The following FRMD3 variants were observed in gnomAD, a reference collection of about 807,000 sequenced individuals.
The protein encoded by FRMD3 is FERM domain-containing protein 3.
Under a neutral mutation model 70.2 loss-of-function variants are expected in FRMD3, and 33 were observed. The ratio of observed to expected loss-of-function variants is 0.47; its 90% CI spans 0.36 to 0.63. FRMD3 has a LOEUF of 0.63. FRMD3 is among the 20% of genes least tolerant of loss of function. The pLI, the probability that FRMD3 is intolerant of heterozygous loss-of-function variation, is 0.00. For synonymous variants in FRMD3, 279 were observed against 255.9 expected (o/e 1.09, Z -0.86); for missense variants, 632 against 711.4 (o/e 0.89, Z 1.27).
chr9:83,406,775 G>C (rs1826117644), intron 1 of FRMD3, among the ~76,000 whole-genome samples: 1 of 152,228 alleles, frequency 6.6e-6, no homozygotes, highest in Non-Finnish European at 1.5e-5. Context: ...CCATAGAAGA[G>C]AGCAGAGAAA....
At chr9:83,576,561 C>T in the FRMD3 span, among the ~76,000 whole-genome samples, 7 of 152,010 alleles carry the variant, frequency 4.6e-5, no homozygotes, top group South Asian at 2.1e-4. Flanking sequence ...CTACTACCCA[C>T]GAGTTATTTT....
At chr9:83,353,365 A>T (rs1824227824) in intron 3 of FRMD3, among the ~76,000 whole-genome samples, 1 of 152,234 alleles carries the variant, frequency 6.6e-6, no homozygotes, top group Admixed American at 6.5e-5. Flanking sequence ...TATTTTATAA[A>T]GTAGTACTGC....
chr9:83,363,845 C>T (rs376083203), intron 3 of FRMD3, among the ~76,000 whole-genome samples: 3 of 152,158 alleles, frequency 2.0e-5, no homozygotes, highest in East Asian at 3.9e-4. Context: ...TGAGTCACTG[C>T]GCCCGGCTGA....
chr9:83,256,238 T>C lies in FRMD3; in HGVS notation c.1196-7722A>G, dbSNP rs184402209. The stretch of plus-strand genomic sequence containing the variant: ...ACTGCACACCAACAACCACCTGATC[T>C]TCAAAAAACTTGACAAAAACAAGCA... On this transcript the variant is annotated intron_variant, in intron 13 of 13. Transcript: ENST00000304195. Among the ~76,000 whole-genome samples, 801 of 151,188 alleles carry C rather than the reference T, an allele frequency of 5.3e-3. 8 individuals carry two copies. Among genetic ancestry groups the C allele is most frequent in the African/African-American group, 0.018 (741 of 40,900 alleles).
chr9:83,411,204 G>T (rs1370343479), intron 1 of FRMD3, among the ~76,000 whole-genome samples: 1 of 152,140 alleles, frequency 6.6e-6, no homozygotes, highest in East Asian at 1.9e-4. Flanking sequence ...AAGTCATTTG[G>T]GAGTAGATAA....
chr9:83,373,139 A>G (rs968843267), intron 2 of FRMD3, among the ~76,000 whole-genome samples, 184 bp from the exon 3 acceptor site: 1 of 152,212 alleles, frequency 6.6e-6, no homozygotes, highest in African/African-American at 2.4e-5. Flanking sequence ...CAAGGATATA[A>G]ATTACAGAGT....
Position 83,246,174 on chromosome 9 carries a change from A to G in FRMD3, c.*1744T>C. 3 of 985,160 alleles carry G rather than the reference A, an allele frequency of 3.0e-6. No homozygotes were observed. Among genetic ancestry groups the G allele is most frequent in the Non-Finnish European group, 3.6e-6 (3 of 829,764 alleles). The allele number at this position is 985,160 out of a possible 1,614,324, so 61.0% of individuals were successfully genotyped here. ...GAAATCATGCTAATGATAGGGTTGG[A>G]ATGTCATTAGCTAGAGAGAGCGATT... On this transcript the variant is annotated 3_prime_UTR_variant, in exon 14 of 14. Transcript: ENST00000304195.
chr9:83,356,271 A>ATTTTTTTTTTTT lies in FRMD3; in HGVS notation c.296-6526_296-6515dup, dbSNP rs869149609. On this transcript the variant is annotated intron_variant, in intron 3 of 13. Coordinates refer to ENST00000304195, the MANE Select transcript of FRMD3 (RefSeq NM_174938.6). ...TGAGAGAGAAGCATCACTCAGCAGC[A>ATTTTTTTTTTTT]TTTTTTTTTTTTTTTTTTTTTTTTG... Among the ~76,000 whole-genome samples the ATTTTTTTTTTTT allele has an allele frequency of 3.2e-4, 30 of 94,436 alleles. 3 individuals carry two copies. Among genetic ancestry groups the ATTTTTTTTTTTT allele is most frequent in the African/African-American group, 1.4e-3 (30 of 21,632 alleles). The allele number at this position is 94,436 out of a possible 152,430, so 62.0% of individuals were successfully genotyped here.
At chr9:83,407,873 C>CTCTCTCTCCTCTCTCTCTCTCTCTCT (rs1564062738) in intron 1 of FRMD3, among the ~76,000 whole-genome samples, 1 of 91,896 alleles carries the variant, frequency 1.1e-5, no homozygotes, top group African/African-American at 6.2e-5. Flanking sequence ...CTCTCTCTCT[C>CTCTCTCTCCTCTCTCTCTCTCTCTCT]ATCTTTCTCT....
At chr9:83,349,862 T>G in intron 3 of FRMD3, 105 bp from the exon 4 acceptor site, 2 of 743,634 alleles carry the variant, frequency 2.7e-6, no homozygotes, top group South Asian at 1.7e-5. Flanking sequence ...GCCTGGGGAG[T>G]GGGGGCCAGG....
At chr9:83,284,285 T>C (rs2118931887) in intron 13 of FRMD3, among the ~76,000 whole-genome samples, 1 of 152,112 alleles carries the variant, frequency 6.6e-6, no homozygotes, top group East Asian at 1.9e-4. Context: ...TTCTGCTGTT[T>C]CATGGGACGT....
intron 13 of FRMD3, among the ~76,000 whole-genome samples, chr9:83,283,410 A>C (rs1834049153): frequency 6.6e-6 from 1 of 151,988 alleles, no homozygotes; most frequent in African/African-American, 2.4e-5. Context: ...GGGTGACTGT[A>C]ATCCCAGCTA....
At chr9:83,410,853 A>G (rs894590053) in intron 1 of FRMD3, among the ~76,000 whole-genome samples, 2 of 152,160 alleles carry the variant, frequency 1.3e-5, no homozygotes, top group Admixed American at 1.3e-4. Flanking sequence ...AAAGCAACAT[A>G]TTTGCTCTGA....
the FRMD3 span, among the ~76,000 whole-genome samples, chr9:83,556,610 C>A: frequency 6.6e-6 from 1 of 151,980 alleles, no homozygotes; most frequent in Non-Finnish European, 1.5e-5. Flanking sequence ...TTTATGAATT[C>A]TCTCCATTGT....
intron 1 of FRMD3, among the ~76,000 whole-genome samples, chr9:83,402,705 T>C (rs1825982487): frequency 1.3e-5 from 2 of 152,078 alleles, no homozygotes; most frequent in African/African-American, 4.8e-5. Flanking sequence ...CTCAGACACA[T>C]TTTTAAAGAG....
intron 1 of FRMD3, among the ~76,000 whole-genome samples, chr9:83,482,676 G>A (rs1252444616): frequency 6.6e-6 from 1 of 152,192 alleles, no homozygotes; most frequent in Non-Finnish European, 1.5e-5. Flanking sequence ...AAGCTGCTGA[G>A]GATAGACTCT....
chr9:83,401,575 G>A (rs72745041), intron 1 of FRMD3, among the ~76,000 whole-genome samples: 5,164 of 152,258 alleles, frequency 0.034, 101 homozygotes, highest in Non-Finnish European at 0.039. Context: ...ACACCACAGA[G>A]GTTTATTTCT....
At position 83,290,615 on chromosome 9, in the gene FRMD3, G is replaced by A. The variant is rs1834378587; in HGVS notation, c.1183C>T (p.Pro395Ser). 1 of 1,614,014 alleles carries A rather than the reference G, an allele frequency of 6.2e-7. No homozygotes were observed. Reference sequence around the variant, plus strand: ...GAGACAGACTTACCCTCACCCAGAGGAAGTTCTTCTTCTTGCTCGCTGGGG... The same window carrying A: ...GAGACAGACTTACCCTCACCCAGAGAAAGTTCTTCTTCTTGCTCGCTGGGG... ...PSPSEQEEEL[P>S]LGEGVPLPKE... Residue 395 changes from proline (P) to serine (S), a missense_variant, in exon 13 of 14, where the codon CCT (proline) becomes TCT (serine). By Grantham distance (74) the Pro-to-Ser change is moderately conservative. This residue lies in a region of FRMD3 where 418 missense variants were observed against 442.1 expected (regional missense o/e 0.95). Coordinates refer to ENST00000304195, the MANE Select transcript of FRMD3 (RefSeq NM_174938.6).
At chr9:83,467,848 G>A (rs952346261) in intron 1 of FRMD3, 21 of 1,347,518 alleles carry the variant, frequency 1.6e-5, no homozygotes, top group Admixed American at 1.3e-4. Flanking sequence ...ATAGGTTGAT[G>A]GTTTTTTAAA....
Sources: allele counts gnomAD v4.1 joint callset (sites outside exome capture counted in the v4.1 genomes callset), GRCh38; gene constraint gnomAD v4.1.1; regional missense constraint gnomAD v4.1.1; transcripts MANE v1.5; gene names NCBI Gene and HGNC (gene_info 2026-07-23, HGNC 2026-07-21).